TMEM35A: variants seen among roughly 807,000 people sequenced by gnomAD.
The protein encoded by TMEM35A is nicotinic acetylcholine receptor chaperone.
For synonymous variants in TMEM35A, 50 were observed against 54.7 expected (o/e 0.91, Z 0.38); for missense variants, 83 against 132.7 (o/e 0.63, Z 1.84).
intron 1 of TMEM35A, among the ~76,000 whole-genome samples, chrX:101,090,460 G>C (rs1040475709): frequency 9.2e-6 from 1 of 108,176 alleles, no homozygotes; most frequent in Admixed American, 1.0e-4. Flanking sequence ...GTGCCATCAC[G>C]TCCGGCCTCT....
chrX:101,096,293 T>C lies in TMEM35A; in HGVS notation c.*1337T>C, dbSNP rs760999747. 1 of 111,681 alleles carries C rather than the reference T, an allele frequency of 9.0e-6. No homozygotes were observed. The highest frequency in any genetic ancestry group is 3.8e-4 in the South Asian group (1 of 2,650). The allele number at this position is 111,681 out of a possible 1,213,427, so 9.2% of individuals were successfully genotyped here. Reference sequence around the variant, plus strand: ...TATTGTGTTTTCTTCAGTGTAATTGTTCTTGGTAATTGATACCTCTCTGTT... The same window carrying C: ...TATTGTGTTTTCTTCAGTGTAATTGCTCTTGGTAATTGATACCTCTCTGTT... On this transcript the variant is annotated 3_prime_UTR_variant, in exon 2 of 2. Coordinates refer to ENST00000372930, the MANE Select transcript of TMEM35A (RefSeq NM_021637.3).
chrX:101,090,169 C>CTTTTTTTTTTTTTTTTTTTTTTTTTTTTT (rs771239790), intron 1 of TMEM35A, among the ~76,000 whole-genome samples: 3 of 97,523 alleles, frequency 3.1e-5, no homozygotes, highest in African/African-American at 1.3e-4. Context: ...TTCTTTCTTT[C>CTTTTTTTTTTTTTTTTTTTTTTTTTTTTT]TTTTTTTTTT....
chrX:101,079,998 G>C (rs890383816), intron 1 of TMEM35A, among the ~76,000 whole-genome samples: 18 of 111,717 alleles, frequency 1.6e-4, no homozygotes, highest in Middle Eastern at 4.6e-3. Context: ...CTCTTATGCT[G>C]TGGAGTACTA....
intron 1 of TMEM35A, among the ~76,000 whole-genome samples, chrX:101,090,224 C>T (rs763791750): frequency 1.0e-4 from 11 of 106,801 alleles, no homozygotes; most frequent in Non-Finnish European, 1.9e-4. Context: ...GCCATCTTGA[C>T]TCACTGAAAC....
intron 1 of TMEM35A, among the ~76,000 whole-genome samples, chrX:101,091,163 C>T (rs978633225): frequency 1.8e-5 from 2 of 110,248 alleles, no homozygotes; most frequent in Non-Finnish European, 3.8e-5. Context: ...CAAAGCATTC[C>T]TCTACTCTGT....
intron 1 of TMEM35A, 21 bp downstream of exon 1, chrX:101,079,143 A>T: frequency 8.3e-7 from 1 of 1,208,939 alleles, no homozygotes; most frequent in Non-Finnish European, 1.1e-6. Context: ...CAAACGGGTG[A>T]TGAGGAGCGC....
chrX:101,091,511 G>C (rs920473283), intron 1 of TMEM35A, among the ~76,000 whole-genome samples: 2 of 110,446 alleles, frequency 1.8e-5, no homozygotes, highest in African/African-American at 3.3e-5. Flanking sequence ...TCACTATCTT[G>C]TCCAGGCTGG....
At chrX:101,079,659 T>C (rs1411176110) in intron 1 of TMEM35A, among the ~76,000 whole-genome samples, 1 of 112,004 alleles carries the variant, frequency 8.9e-6, no homozygotes. Flanking sequence ...CCTGGGTATG[T>C]ATCTGGATCC....
Position 101,095,126 on chromosome X carries a change from C to G in TMEM35A, c.*170C>G. 1 of 526,890 alleles carries G rather than the reference C, an allele frequency of 1.9e-6. No homozygotes were observed. The highest frequency in any genetic ancestry group is 3.9e-5 in the South Asian group (1 of 25,882). The allele number at this position is 526,890 out of a possible 1,213,427, so 43.4% of individuals were successfully genotyped here. ...GTACATCTATATGCTAAAATGACTT[C>G]CCCACATTGACATTTGTGCGCCACC... is the stretch of plus-strand genomic sequence containing the variant. On this transcript the variant is annotated 3_prime_UTR_variant, in exon 2 of 2. Transcript: ENST00000372930.
chrX:101,094,797 C>T lies in TMEM35A; in HGVS notation c.345C>T (p.Tyr115=), dbSNP rs754815700. ...TGGTCGGTGATCCTCTCAAACGCTA[C>T]GCCCATGCTCTGGTGTTTGGAATCC... ...HQLVGDPLKR[Y]AHALVFGILL... The change falls in exon 2 of 2, where the codon TAC becomes TAT. Residue 115 remains tyrosine (Y), a synonymous_variant. Coordinates refer to ENST00000372930, the MANE Select transcript of TMEM35A (RefSeq NM_021637.3). The T allele has an allele frequency of 8.3e-6, 10 of 1,209,152 alleles. No individual in the cohort carries two copies. The highest frequency in any genetic ancestry group is 4.4e-5 in the Admixed American group (2 of 45,506).
intron 1 of TMEM35A, among the ~76,000 whole-genome samples, chrX:101,085,469 C>T (rs1024567902): frequency 4.5e-5 from 5 of 110,526 alleles, no homozygotes; most frequent in South Asian, 3.8e-4. Flanking sequence ...GGTGCGTCAG[C>T]GGGCGTCTGT....
intron 1 of TMEM35A, chrX:101,081,359 C>G (rs2089291367): frequency 8.9e-6 from 1 of 112,518 alleles, no homozygotes; most frequent in African/African-American, 3.2e-5. Flanking sequence ...TGGGCTTGGC[C>G]CAGCTTTATT....
chrX:101,092,948 A>C (rs1265364495), intron 1 of TMEM35A, among the ~76,000 whole-genome samples: 1 of 112,527 alleles, frequency 8.9e-6, no homozygotes, highest in Non-Finnish European at 1.9e-5. Flanking sequence ...TTGGGGATTT[A>C]TCTCAATGAA....
At chrX:101,079,548 G>C (rs1399914905) in intron 1 of TMEM35A, among the ~76,000 whole-genome samples, 2 of 111,467 alleles carry the variant, frequency 1.8e-5, no homozygotes, top group South Asian at 3.8e-4. Flanking sequence ...AAGGGAAAGA[G>C]GAAAAGAGCT....
intron 1 of TMEM35A, among the ~76,000 whole-genome samples, chrX:101,093,284 C>A (rs1191521466): frequency 9.0e-6 from 1 of 111,084 alleles, no homozygotes; most frequent in Non-Finnish European, 1.9e-5. Context: ...TTAAAAAATT[C>A]TTTTTATTTA....
chrX:101,079,979 G>A (rs2089287152), intron 1 of TMEM35A, among the ~76,000 whole-genome samples: 2 of 111,703 alleles, frequency 1.8e-5, no homozygotes, highest in Admixed American at 1.9e-4. Context: ...TGGGCGTGAT[G>A]AGGACTTGCT....
intron 1 of TMEM35A, among the ~76,000 whole-genome samples, chrX:101,082,133 C>CTTTTTTTTTTTTTTTTTTTTTTTTTTTT: frequency 9.8e-5 from 2 of 20,482 alleles, no homozygotes; most frequent in African/African-American, 1.7e-4. Flanking sequence ...TTCTTTCTTT[C>CTTTTTTTTTTTTTTTTTTTTTTTTTTTT]TTTTTTTTTT....
intron 1 of TMEM35A, among the ~76,000 whole-genome samples, chrX:101,081,289 T>C (rs1164785409): frequency 8.9e-6 from 1 of 112,330 alleles, no homozygotes; most frequent in African/African-American, 3.2e-5. Flanking sequence ...CTCTCCTGCA[T>C]TGAGCATCGG....
intron 1 of TMEM35A, among the ~76,000 whole-genome samples, chrX:101,083,504 G>A (rs1015402272): frequency 8.9e-6 from 1 of 111,962 alleles, no homozygotes. Flanking sequence ...ATTTGTTTAT[G>A]TGTAGTTAAG....
Sources: allele counts gnomAD v4.1 joint callset (sites outside exome capture counted in the v4.1 genomes callset), GRCh38; gene constraint gnomAD v4.1.1; transcripts MANE v1.5; gene names NCBI Gene and HGNC (gene_info 2026-07-23, HGNC 2026-07-21).